Variants in MYT1L observed in about 807,000 individuals in gnomAD.
The protein encoded by MYT1L is myelin transcription factor 1-like protein.
MYT1L carries 12 observed loss-of-function variants against 126.7 expected under a neutral mutation model. That is an observed-to-expected ratio of 0.09 (90% CI 0.06 to 0.15). MYT1L has a LOEUF of 0.15. MYT1L is among the 10% of genes least tolerant of loss of function. MYT1L has a pLI of 1.00. For synonymous variants in MYT1L, 541 were observed against 604.2 expected (o/e 0.90, Z 1.53); for missense variants, 979 against 1,585.2 (o/e 0.62, Z 6.49).
chr2:2,291,023 T>C (rs1483825785), intron 1 of MYT1L, among the ~76,000 whole-genome samples: 1 of 150,498 alleles, frequency 6.6e-6, no homozygotes, highest in African/African-American at 2.4e-5. Context: ...AGGGCCATTA[T>C]AAAAATCAAT....
At chr2:1,932,666 G>A (rs928410318) in intron 9 of MYT1L, among the ~76,000 whole-genome samples, 1 of 152,148 alleles carries the variant, frequency 6.6e-6, no homozygotes, top group Non-Finnish European at 1.5e-5. Flanking sequence ...ATGGGGGGTC[G>A]GGCAAGTCCT....
At chr2:1,818,738 T>C (rs549648944) in intron 21 of MYT1L, among the ~76,000 whole-genome samples, 1 of 152,252 alleles carries the variant, frequency 6.6e-6, no homozygotes, top group Admixed American at 6.5e-5. Flanking sequence ...CATTTCTGCC[T>C]CTGACTGTGT....
chr2:2,108,665 C>T (rs2079033815), intron 3 of MYT1L, among the ~76,000 whole-genome samples: 1 of 152,204 alleles, frequency 6.6e-6, no homozygotes, highest in Admixed American at 6.5e-5. Context: ...TCTTATGATC[C>T]ATGTTACTGC....
intron 1 of MYT1L, among the ~76,000 whole-genome samples, chr2:2,320,157 G>A (rs2096136339): frequency 1.3e-5 from 2 of 152,114 alleles, no homozygotes; most frequent in South Asian, 2.1e-4. Context: ...CCCAGTGGCT[G>A]GAAAGTCCCA....
At chr2:1,891,261 G>T (rs1196899206) in intron 15 of MYT1L, among the ~76,000 whole-genome samples, 1 of 152,198 alleles carries the variant, frequency 6.6e-6, no homozygotes, top group Non-Finnish European at 1.5e-5. Flanking sequence ...ACACAGTGGA[G>T]AGCCCTTTGT....
intron 2 of MYT1L, among the ~76,000 whole-genome samples, chr2:2,221,171 G>A (rs1186900192): frequency 6.6e-6 from 1 of 152,144 alleles, no homozygotes; most frequent in Admixed American, 6.5e-5. Flanking sequence ...GATCCTAAGA[G>A]TACAGAGTTA....
At chr2:2,183,820 CAAAGGAAGAAA>C in intron 2 of MYT1L, among the ~76,000 whole-genome samples, 1 of 91,100 alleles carries the variant, frequency 1.1e-5, no homozygotes, top group Admixed American at 1.5e-4. Flanking sequence ...AGGAGAGAGA[CAAAGGAAGAAA>C]AAAGGAAGGA....
intron 4 of MYT1L, among the ~76,000 whole-genome samples, chr2:2,012,344 T>G (rs1172993679): frequency 6.6e-6 from 1 of 152,236 alleles, no homozygotes; most frequent in Non-Finnish European, 1.5e-5. Flanking sequence ...CACATTATGC[T>G]AAGTGAGAGA....
At chr2:2,295,611 GAGAGAGAGAGAGAGACAGACAGAC>G (rs2095666844) in intron 1 of MYT1L, among the ~76,000 whole-genome samples, 1 of 107,316 alleles carries the variant, frequency 9.3e-6, no homozygotes, top group African/African-American at 3.4e-5. Context: ...GAGACAGACA[GAGAGAGAGAGAGAGACAGACAGAC>G]AGAGAGAGAG....
intron 22 of MYT1L, among the ~76,000 whole-genome samples, chr2:1,803,403 G>A (rs544270796): frequency 6.6e-6 from 1 of 152,136 alleles, no homozygotes; most frequent in Non-Finnish European, 1.5e-5. Context: ...ATCCCATCTC[G>A]CAGAGGCCTT....
intron 13 of MYT1L, among the ~76,000 whole-genome samples, chr2:1,904,534 A>G (rs898538697): frequency 4.6e-5 from 7 of 151,450 alleles, no homozygotes; most frequent in Admixed American, 1.3e-4. Flanking sequence ...ACACCTGGCT[A>G]ATTTTTTTGC....
At chr2:2,227,584 C>T (rs979439420) in intron 2 of MYT1L, among the ~76,000 whole-genome samples, 8 of 152,200 alleles carry the variant, frequency 5.3e-5, no homozygotes, top group African/African-American at 1.9e-4. Context: ...GTCCTGGGCA[C>T]AGACTCACAT....
chr2:1,923,117 G>C lies in MYT1L; in HGVS notation c.652C>G (p.Arg218Gly). 3.1e-6 allele frequency: 5 copies of C among 1,613,956 alleles called. No individual in the cohort carries two copies. The highest frequency in any genetic ancestry group is 4.2e-6 in the Non-Finnish European group (5 of 1,179,892). ...TTCATTTCTGACTCAGTCCTGGCCC[G>C]GTAGGCTGCATCCTCAGCGATTTTG... ...LGKIAEDAAY[R>G]ARTESEMNSN... Residue 218 changes from arginine (R) to glycine (G), a missense_variant, in exon 10 of 25, where the codon CGG becomes GGG. By Grantham distance (125) the Arg-to-Gly change is moderately radical. Transcript: ENST00000647738.
chr2:2,174,031 C>G (rs2090422813), intron 2 of MYT1L, among the ~76,000 whole-genome samples: 1 of 152,074 alleles, frequency 6.6e-6, no homozygotes, highest in Non-Finnish European at 1.5e-5. Context: ...ATTATTTCCC[C>G]TAATAAGAAT....
chr2:2,023,755 G>A (rs1161304897), intron 4 of MYT1L, among the ~76,000 whole-genome samples: 5 of 152,068 alleles, frequency 3.3e-5, no homozygotes, highest in African/African-American at 4.8e-5. Flanking sequence ...CTTGGACCAC[G>A]TGGCCCTCTG....
At chr2:1,872,261 G>A (rs866237058) in intron 18 of MYT1L, among the ~76,000 whole-genome samples, 5 of 152,314 alleles carry the variant, frequency 3.3e-5, no homozygotes, top group Non-Finnish European at 5.9e-5. Flanking sequence ...AAGTGCCTCC[G>A]TTTCCATCAC....
At chr2:2,194,904 T>C (rs1385169403) in intron 2 of MYT1L, among the ~76,000 whole-genome samples, 1 of 152,260 alleles carries the variant, frequency 6.6e-6, no homozygotes, top group East Asian at 1.9e-4. Flanking sequence ...ATAAAGAGTC[T>C]TAGACAACAT....
chr2:1,991,002 C>G (rs527875215), intron 5 of MYT1L, among the ~76,000 whole-genome samples: 4 of 152,314 alleles, frequency 2.6e-5, no homozygotes, highest in African/African-American at 7.2e-5. Flanking sequence ...CTGATGGAGA[C>G]TGCTCTCCCT....
intron 4 of MYT1L, among the ~76,000 whole-genome samples, chr2:1,998,561 A>G (rs1038245726): frequency 1.3e-5 from 2 of 152,160 alleles, no homozygotes; most frequent in Non-Finnish European, 2.9e-5. Context: ...TCGTCCATAC[A>G]CACAGTTAAT....
Sources: gnomAD v4.1 joint callset for allele counts (sites outside exome capture counted in the v4.1 genomes callset) on GRCh38, gnomAD v4.1.1 for gene constraint, MANE v1.5 for transcripts, NCBI Gene and HGNC (gene_info 2026-07-23, HGNC 2026-07-21) for gene names.